Variants in BRINP3 observed in about 807,000 individuals in gnomAD.
BRINP3 encodes the protein BMP/retinoic acid-inducible neural-specific protein 3.
Under a neutral mutation model 71.0 loss-of-function variants are expected in BRINP3, and 19 were observed. The observed-to-expected ratio is 0.27, with a 90% confidence interval of 0.19 to 0.39. The LOEUF is 0.39. BRINP3 is among the 10% of genes least tolerant of loss of function. BRINP3 has a pLI of 1.00. For synonymous variants in BRINP3, 380 were observed against 337.7 expected (o/e 1.13, Z -1.37); for missense variants, 959 against 940.8 (o/e 1.02, Z -0.25).
chr1:190,407,313 G>A (rs1377570843), intron 2 of BRINP3, among the ~76,000 whole-genome samples: 1 of 152,100 alleles, frequency 6.6e-6, no homozygotes, highest in Non-Finnish European at 1.5e-5. Context: ...GATTATTTCT[G>A]CCATATAAGT....
At chr1:190,122,196 A>G (rs1027706065) in intron 7 of BRINP3, among the ~76,000 whole-genome samples, 1 of 152,120 alleles carries the variant, frequency 6.6e-6, no homozygotes, top group Non-Finnish European at 1.5e-5. Context: ...TCACTTACAT[A>G]GCCTTGAATT....
chr1:190,273,513 A>T (rs1176787573), intron 3 of BRINP3, among the ~76,000 whole-genome samples: 1 of 151,610 alleles, frequency 6.6e-6, no homozygotes, highest in Non-Finnish European at 1.5e-5. Context: ...GTTTATGGTC[A>T]TTAAAAGCAC....
intron 2 of BRINP3, among the ~76,000 whole-genome samples, chr1:190,434,413 A>C (rs1237343676): frequency 6.6e-6 from 1 of 151,858 alleles, no homozygotes; most frequent in African/African-American, 2.4e-5. Context: ...CCCAGCCCAA[A>C]ATAATGGTTC....
intron 2 of BRINP3, among the ~76,000 whole-genome samples, chr1:190,312,514 T>C (rs1291808788): frequency 6.6e-6 from 1 of 151,592 alleles, no homozygotes; most frequent in Non-Finnish European, 1.5e-5. Context: ...AGTACCTCAG[T>C]TGTGGATCCA....
chr1:190,113,140 G>T lies in BRINP3; in HGVS notation c.1185-14006C>A, dbSNP rs145075570. Among the ~76,000 whole-genome samples the T allele has an allele frequency of 2.1e-4, 32 of 151,998 alleles. 1 individual carries two copies. In the East Asian group the frequency reaches 5.6e-3, roughly 27 times the overall value. On this transcript the variant is annotated intron_variant, in intron 7 of 7. Transcript: ENST00000367462. Reference sequence around the variant, plus strand: ...AAATATTACCAATTAAATATTTTAAGATAATAAAAAAGCAATAATCAATTG... The same window carrying T: ...AAATATTACCAATTAAATATTTTAATATAATAAAAAAGCAATAATCAATTG...
chr1:190,452,773 C>T (rs1675704765), intron 2 of BRINP3, among the ~76,000 whole-genome samples: 1 of 152,148 alleles, frequency 6.6e-6, no homozygotes, highest in Non-Finnish European at 1.5e-5. Context: ...AGGAGAATCG[C>T]TTAAACCCAG....
chr1:190,226,874 G>A (rs905893408), intron 5 of BRINP3, among the ~76,000 whole-genome samples: 4 of 151,776 alleles, frequency 2.6e-5, no homozygotes, highest in African/African-American at 9.7e-5. Context: ...AATAACTACA[G>A]GAATCAGATG....
chr1:190,279,016 C>T (rs1662840960), intron 3 of BRINP3, among the ~76,000 whole-genome samples: 1 of 151,710 alleles, frequency 6.6e-6, no homozygotes, highest in African/African-American at 2.4e-5. Flanking sequence ...TTGATCTCTT[C>T]TGTCTTTCCT....
intron 2 of BRINP3, among the ~76,000 whole-genome samples, chr1:190,420,994 A>G (rs1558271363): frequency 6.6e-6 from 1 of 151,778 alleles, no homozygotes; most frequent in African/African-American, 2.4e-5. Context: ...GACTTTAGCA[A>G]ATATAAGAAT....
chr1:190,372,897 A>G (rs148503630), intron 2 of BRINP3, among the ~76,000 whole-genome samples: 14 of 152,332 alleles, frequency 9.2e-5, no homozygotes, highest in African/African-American at 2.6e-4. Flanking sequence ...ATATCAACAA[A>G]AAATCTAAAT....
rs376600552 is a variant in BRINP3 at position 190,349,031 on chromosome 1, T to G, written c.237-67281A>C. On this transcript the variant is annotated intron_variant, in intron 2 of 7. Transcript: ENST00000367462. ...CATTGAGTTCATAAAACGTAGTAGC[T>G]GAGCTTATGGAAGCATAATACTTTG... 2.6e-5 allele frequency among the ~76,000 whole-genome samples: 4 copies of G among 152,242 alleles called. No homozygotes were observed. The East Asian group carries it at 7.7e-4, about 29-fold the overall frequency.
At chr1:190,281,828 G>A in intron 2 of BRINP3, 78 bp from the exon 3 acceptor site, 2 of 1,353,878 alleles carry the variant, frequency 1.5e-6, no homozygotes, top group Non-Finnish European at 2.0e-6. Flanking sequence ...TGGTAGCTGG[G>A]GTCAGTACAT....
At chr1:190,318,358 T>C (rs1468841048) in intron 2 of BRINP3, among the ~76,000 whole-genome samples, 1 of 152,154 alleles carries the variant, frequency 6.6e-6, no homozygotes, top group Non-Finnish European at 1.5e-5. Context: ...AGAACTTAGA[T>C]GCAATAGTTT....
At chr1:190,369,246 G>A (rs1669703293) in intron 2 of BRINP3, among the ~76,000 whole-genome samples, 1 of 151,944 alleles carries the variant, frequency 6.6e-6, no homozygotes, top group South Asian at 2.1e-4. Flanking sequence ...ATATTTCAGT[G>A]CGAATAGGTA....
At chr1:190,225,939 AGCAAT>A in intron 6 of BRINP3, 138 bp downstream of exon 6, 1 of 612,294 alleles carries the variant, frequency 1.6e-6, no homozygotes, top group South Asian at 2.2e-5. Flanking sequence ...CAGTAGTAAA[AGCAAT>A]GAAAATGTCC....
intron 2 of BRINP3, among the ~76,000 whole-genome samples, chr1:190,438,917 C>A (rs1278619205): frequency 6.6e-6 from 1 of 151,952 alleles, no homozygotes; most frequent in African/African-American, 2.4e-5. Flanking sequence ...AGGATTCAAT[C>A]TCAGACCCCA....
At chr1:190,175,467 C>T (rs939210336) in intron 6 of BRINP3, among the ~76,000 whole-genome samples, 1 of 152,082 alleles carries the variant, frequency 6.6e-6, no homozygotes, top group Non-Finnish European at 1.5e-5. Context: ...CAATATATTA[C>T]TTAACTCATC....
chr1:190,334,493 G>A (rs959582264), intron 2 of BRINP3, among the ~76,000 whole-genome samples: 3 of 151,616 alleles, frequency 2.0e-5, no homozygotes, highest in Non-Finnish European at 4.4e-5. Context: ...ATCGCTGGAG[G>A]GAGATGGGTG....
At chr1:190,141,037 A>G (rs1655388654) in intron 7 of BRINP3, among the ~76,000 whole-genome samples, 1 of 152,314 alleles carries the variant, frequency 6.6e-6, no homozygotes, top group African/African-American at 2.4e-5. Context: ...GTGCAGAATT[A>G]TACACTGACT....
Sources: gnomAD v4.1 joint callset for allele counts (sites outside exome capture counted in the v4.1 genomes callset) on GRCh38, gnomAD v4.1.1 for gene constraint, MANE v1.5 for transcripts, NCBI Gene and HGNC (gene_info 2026-07-23, HGNC 2026-07-21) for gene names.